Variants in OTUB1 observed in about 807,000 individuals in gnomAD.
OTUB1 encodes OTU deubiquitinase, ubiquitin aldehyde binding 1, also known as ubiquitin thioesterase OTUB1.
In OTUB1, 10 loss-of-function variants were observed where a neutral mutation model predicts 35.8. That is an observed-to-expected ratio of 0.28 (90% confidence interval 0.17 to 0.47). OTUB1 has a LOEUF of 0.47. OTUB1 is among the 20% of genes least tolerant of loss of function. OTUB1 has a pLI of 0.99. For synonymous variants in OTUB1, 158 were observed against 143.8 expected (o/e 1.10, Z -0.71); for missense variants, 264 against 351.6 (o/e 0.75, Z 1.99).
At chr11:63,987,131 C>T (rs1942629027) in intron 1 of OTUB1, 1 of 152,314 alleles carries the variant, frequency 6.6e-6, no homozygotes, top group Admixed American at 6.5e-5. Context: ...AATGGTCCCA[C>T]TCTGTCTTTT....
Position 63,997,838 on chromosome 11 carries a change from C to A in OTUB1, c.*292C>A, listed in dbSNP as rs1216993309. ...ACAGGAGCAGGTTTGAGGGGCCAGG[C>A]CTCTTGGAGGCCCCTCCTGCTTCGT... On this transcript the variant is annotated 3_prime_UTR_variant, in exon 7 of 7. Coordinates refer to ENST00000538426, the MANE Select transcript of OTUB1 (RefSeq NM_017670.3). The A allele has an allele frequency of 4.4e-6, 3 of 689,236 alleles. No individual in the cohort carries two copies. The African/African-American group carries it at 5.3e-5, about 12-fold the overall frequency. 42.7% of individuals were successfully genotyped at this position (689,236 alleles called of 1,614,324 possible).
At chr11:63,996,999 A>T in intron 5 of OTUB1, 51 bp from the exon 6 acceptor site, 1 of 1,611,764 alleles carries the variant, frequency 6.2e-7, no homozygotes, top group Non-Finnish European at 8.5e-7. Context: ...CCTGGTGAGG[A>T]CCACCCATCT....
At position 63,997,211 on chromosome 11, in the gene OTUB1, G is replaced by C. The variant is rs11537828; in HGVS notation, c.585G>C (p.Glu195Asp). 4 of 1,614,192 alleles carry C rather than the reference G, an allele frequency of 2.5e-6. No individual in the cohort carries two copies. Among genetic ancestry groups the C allele is most frequent in the Non-Finnish European group, 8.5e-7 (1 of 1,180,010 alleles). The stretch of plus-strand genomic sequence containing the variant: ...GCAAGTTCTTCGAGCACTTCATCGA[G>C]GGTGGACGGACTGTCAAGGAGTTCT... ...RESKFFEHFIEGGRTVKEFCQ... is the reference protein window; with the variant it reads ...RESKFFEHFIDGGRTVKEFCQ... The change falls in exon 6 of 7, where the codon GAG (glutamate) becomes GAC (aspartate). Residue 195 changes from glutamate (E) to aspartate (D), a missense_variant. Glu to Asp is a conservative substitution (Grantham distance 45, BLOSUM62 2). Transcript: ENST00000538426.
chr11:63,991,729 G>A (rs1013565633), intron 3 of OTUB1, among the ~76,000 whole-genome samples: 2 of 152,216 alleles, frequency 1.3e-5, no homozygotes, highest in African/African-American at 4.8e-5. Context: ...TGTGGTCCTG[G>A]TGTGCTACTC....
chr11:63,990,701 AG>A (rs1942665663), intron 3 of OTUB1: 1 of 152,196 alleles, frequency 6.6e-6, no homozygotes, highest in Admixed American at 6.5e-5. Context: ...TTCCCCTGGA[AG>A]ATGACAGATG....
At chr11:63,996,741 T>C (rs1255392095) in intron 4 of OTUB1, 93 bp downstream of exon 4, 1 of 1,610,862 alleles carries the variant, frequency 6.2e-7, no homozygotes, top group South Asian at 1.1e-5. Flanking sequence ...GTCTCCCTCC[T>C]TCCCGGGCGA....
chr11:63,997,936 GCCCAGGGT>G lies in OTUB1; in HGVS notation c.*398_*405del, dbSNP rs2134312836. The stretch of plus-strand genomic sequence containing the variant: ...GATCCTGGAAGTTCCTTAGGGACTT[GCCCAGGGT>G]CCCAGGGCCACCCACACTTCATCTG... On this transcript the variant is annotated 3_prime_UTR_variant, in exon 7 of 7. Coordinates refer to ENST00000538426, the MANE Select transcript of OTUB1 (RefSeq NM_017670.3). The G allele has an allele frequency of 1.7e-6, 1 of 598,958 alleles. No homozygotes were observed. Among genetic ancestry groups the G allele is most frequent in the East Asian group, 2.8e-5 (1 of 36,086 alleles). The allele number at this position is 598,958 out of a possible 1,614,324, so 37.1% of individuals were successfully genotyped here. A position where few individuals can be genotyped will look rare whatever the true frequency, so the allele number is the denominator to read the frequency against.
Position 63,997,257 on chromosome 11 carries a change from T to C in OTUB1, c.618+13T>C, listed in dbSNP as rs559639328. 1 of 1,611,628 alleles carries C rather than the reference T, an allele frequency of 6.2e-7. No individual in the cohort carries two copies. The highest frequency in any genetic ancestry group is 1.7e-5 in the Admixed American group (1 of 59,980). On this transcript the variant is annotated intron_variant, in intron 6 of 6. Transcript: ENST00000538426. Reference sequence around the variant, plus strand: ...GTTCTGCCAGCAGGTGCCGTCCCCCTCCCCTTTACTCTCGGCCGGGGGAGT... The same window carrying C: ...GTTCTGCCAGCAGGTGCCGTCCCCCCCCCCTTTACTCTCGGCCGGGGGAGT...
intron 3 of OTUB1, among the ~76,000 whole-genome samples, chr11:63,995,348 C>T (rs1379889088): frequency 2.0e-5 from 3 of 152,186 alleles, no homozygotes; most frequent in African/African-American, 7.2e-5. Flanking sequence ...AGGCATGCAC[C>T]ACCATGCCGA....
At chr11:63,996,394 AG>A in intron 3 of OTUB1, 135 bp from the exon 4 acceptor site, 1 of 867,056 alleles carries the variant, frequency 1.2e-6, no homozygotes, top group Non-Finnish European at 1.8e-6. Context: ...AGCCTGTTTC[AG>A]GGACCCAGGG....
chr11:63,987,632 T>G (rs1942633280), intron 1 of OTUB1, among the ~76,000 whole-genome samples: 1 of 152,226 alleles, frequency 6.6e-6, no homozygotes, highest in South Asian at 2.1e-4. Flanking sequence ...ACCGCAGGTC[T>G]TTTGCTAGTT....
At chr11:63,993,970 TACA>T (rs1310501775) in intron 3 of OTUB1, among the ~76,000 whole-genome samples, 1 of 151,982 alleles carries the variant, frequency 6.6e-6, no homozygotes, top group African/African-American at 2.4e-5. Context: ...CTACAAAAAA[TACA>T]ACAATTAAAT....
chr11:63,992,466 C>T lies in OTUB1; in HGVS notation c.219+3714C>T, dbSNP rs117790729. ...GGCTGGGGAACTGAGCGGGGCGGGG[C>T]GGGGTGGGGTGTTGTGGCGAGAGAA... On this transcript the variant is annotated intron_variant, in intron 3 of 6. Transcript: ENST00000538426. 2.6e-3 allele frequency among the ~76,000 whole-genome samples: 155 copies of T among 59,964 alleles called. 2 individuals carry two copies. The highest frequency in any genetic ancestry group is 0.015 in the Middle Eastern group (2 of 136). 39.3% of individuals were successfully genotyped at this position (59,964 alleles called of 152,430 possible). A position where few individuals can be genotyped will look rare whatever the true frequency, so the allele number is the denominator to read the frequency against.
intron 3 of OTUB1, 48 bp from the exon 4 acceptor site, chr11:63,996,482 C>T: frequency 6.3e-7 from 1 of 1,597,374 alleles, no homozygotes; most frequent in Admixed American, 1.8e-5. Flanking sequence ...TTGGCCAGCC[C>T]CCGTTCTGGC....
chr11:63,988,386 A>G lies in OTUB1; in HGVS notation c.108A>G (p.Arg36=), dbSNP rs1420585132. The G allele has an allele frequency of 6.4e-7, 1 of 1,554,042 alleles. No individual in the cohort carries two copies. Among genetic ancestry groups the G allele is most frequent in the East Asian group, 2.4e-5 (1 of 41,264 alleles). ...AAGCCATCATGGCTCAGCAGGACCG[A>G]ATTCAGCAAGAGGTGAGGGGCTGCA... is the stretch of plus-strand genomic sequence containing the variant. ...YDEAIMAQQD[R]IQQEIAVQNP... Residue 36 remains arginine, a synonymous_variant, in exon 2 of 7, where the codon CGA becomes CGG. Coordinates refer to ENST00000538426, the MANE Select transcript of OTUB1 (RefSeq NM_017670.3).
chr11:63,986,734 C>G (rs752205740), intron 1 of OTUB1: 5 of 527,870 alleles, frequency 9.5e-6, no homozygotes, highest in South Asian at 2.6e-5. Flanking sequence ...GGCCAAGGCC[C>G]GCGGCCCTTC....
intron 1 of OTUB1, chr11:63,986,735 G>A: frequency 1.9e-6 from 1 of 529,934 alleles, no homozygotes; most frequent in Non-Finnish European, 3.3e-6. Flanking sequence ...GCCAAGGCCC[G>A]CGGCCCTTCT....
chr11:63,988,303 C>T, intron 1 of OTUB1, 34 bp from the exon 2 acceptor site: 1 of 1,539,322 alleles, frequency 6.5e-7, no homozygotes, highest in Non-Finnish European at 8.8e-7. Flanking sequence ...TGGCCAGGAC[C>T]CCCTGTAATC....
At chr11:63,986,546 G>T in intron 1 of OTUB1, 32 bp downstream of exon 1, 1 of 1,520,926 alleles carries the variant, frequency 6.6e-7, no homozygotes, top group Non-Finnish European at 8.9e-7. Flanking sequence ...TCCGGCCCGG[G>T]CTAGTGGGGG....
Sources: gnomAD v4.1 joint callset for allele counts (sites outside exome capture counted in the v4.1 genomes callset) on GRCh38, gnomAD v4.1.1 for gene constraint, MANE v1.5 for transcripts, NCBI Gene and HGNC (gene_info 2026-07-23, HGNC 2026-07-21) for gene names.